Variants in TAF12 observed in about 807,000 individuals in gnomAD.
TAF12 encodes transcription initiation factor TFIID subunit 12.
In TAF12, 3 loss-of-function variants were observed where a neutral mutation model predicts 20.8. That is an observed-to-expected ratio of 0.14 (90% CI 0.07 to 0.37). TAF12 has a LOEUF of 0.37. TAF12 is among the 10% of genes least tolerant of loss of function. The pLI is 1.00. For missense variants in TAF12, 131 were observed against 197.9 expected (o/e 0.66, Z 2.03); for synonymous variants, 69 against 70.2 (o/e 0.98, Z 0.09).
intron 5 of TAF12, among the ~76,000 whole-genome samples, chr1:28,603,776 T>C (rs985896068): frequency 6.6e-6 from 1 of 152,184 alleles, no homozygotes; most frequent in Non-Finnish European, 1.5e-5. Flanking sequence ...GATGGGCTAG[T>C]GGACCCATTT....
chr1:28,631,169 A>G (rs1291956905), intron 1 of TAF12, among the ~76,000 whole-genome samples: 3 of 151,632 alleles, frequency 2.0e-5, no homozygotes, highest in African/African-American at 7.3e-5. Context: ...CTTGTGGGGG[A>G]GGAAAAAATT....
Position 28,622,090 on chromosome 1 carries a change from G to A in TAF12, c.-9C>T, listed in dbSNP as rs200582502. 374 of 1,609,626 alleles carry A rather than the reference G, an allele frequency of 2.3e-4. No homozygotes were observed. The highest frequency in any genetic ancestry group is 3.1e-4 in the Non-Finnish European group (361 of 1,178,868). On this transcript the variant is annotated 5_prime_UTR_variant, in exon 2 of 6. Transcript: ENST00000373824. ...GGGCCAAACTGGTTCATAATCTGCC[G>A]AGCTTTGGACTTCAGCTCATAGAGC... is the stretch of plus-strand genomic sequence containing the variant.
intron 4 of TAF12, among the ~76,000 whole-genome samples, chr1:28,612,559 AATATATACAT>A (rs1284667772): frequency 2.1e-5 from 3 of 143,140 alleles, no homozygotes; most frequent in South Asian, 4.4e-4. Flanking sequence ...TACACACATA[AATATATACAT>A]ATATATACAT....
chr1:28,626,547 C>T (rs1212702062), intron 1 of TAF12, among the ~76,000 whole-genome samples: 1 of 142,806 alleles, frequency 7.0e-6, no homozygotes, highest in Non-Finnish European at 1.5e-5. Context: ...TGCCACTGCG[C>T]TCCAGCCCGC....
chr1:28,613,360 A>G lies in TAF12; in HGVS notation c.248T>C (p.Met83Thr). 1 of 1,608,296 alleles carries G rather than the reference A, an allele frequency of 6.2e-7. No homozygotes were observed. Among genetic ancestry groups the G allele is most frequent in the East Asian group, 2.2e-5 (1 of 44,792 alleles). Residue 83 changes from methionine to threonine, a missense_variant and splice_region_variant, in exon 4 of 6, where the codon ATG (methionine) becomes ACG (threonine). Around this residue, in one of 3 missense-constraint regions of TAF12, gnomAD observed 8 missense variants for 35.6 expected, o/e 0.22. Coordinates refer to ENST00000373824, the MANE Select transcript of TAF12 (RefSeq NM_005644.4). ...NEQLDEDVEE[M>T]LLQIADDFIE... ...AAAATCATCAGCAATCTGCAGCAGC[A>G]TCTGGGGAAGGTAAAGTGGGAAGAG...
At chr1:28,628,666 T>G (rs1557469279) in intron 1 of TAF12, among the ~76,000 whole-genome samples, 2 of 150,058 alleles carry the variant, frequency 1.3e-5, no homozygotes, top group African/African-American at 4.9e-5. Flanking sequence ...ATGATTTAAA[T>G]AAAGACTTTA....
At chr1:28,641,939 C>T (rs139373197) in intron 1 of TAF12, among the ~76,000 whole-genome samples, 30 of 152,210 alleles carry the variant, frequency 2.0e-4, no homozygotes, top group African/African-American at 6.7e-4. Flanking sequence ...TAACCATTGC[C>T]TCACTGTAAT....
At chr1:28,606,205 G>T (rs1249159028) in intron 4 of TAF12, among the ~76,000 whole-genome samples, 1 of 152,052 alleles carries the variant, frequency 6.6e-6, no homozygotes, top group African/African-American at 2.4e-5. Flanking sequence ...CACCATCTCG[G>T]TCAGGCTGGT....
chr1:28,642,403 G>A (rs1228599595), intron 1 of TAF12, among the ~76,000 whole-genome samples: 7 of 152,012 alleles, frequency 4.6e-5, no homozygotes, highest in Non-Finnish European at 7.4e-5. Flanking sequence ...AGGCTTTTAG[G>A]AGCTTGGGTA....
chr1:28,636,059 A>C (rs987362301), intron 1 of TAF12, among the ~76,000 whole-genome samples: 6 of 152,286 alleles, frequency 3.9e-5, no homozygotes, highest in East Asian at 1.9e-4. Context: ...TATCTAAATG[A>C]GCTCATATTT....
At position 28,622,030 on chromosome 1, in the gene TAF12, T is replaced by C; in HGVS notation, c.52A>G (p.Ile18Val). The C allele has an allele frequency of 6.2e-7, 1 of 1,613,968 alleles. No individual in the cohort carries two copies. The highest frequency in any genetic ancestry group is 1.1e-5 in the South Asian group (1 of 91,060). The change falls in exon 2 of 6, where the codon ATA (isoleucine) becomes GTA (valine). Residue 18 changes from isoleucine to valine, a missense_variant. Physicochemically the swap from Ile to Val is conservative, Grantham distance 29. This residue lies in a region of TAF12 where 63 missense variants were observed against 72.1 expected (regional missense o/e 0.87). Transcript: ENST00000373824. ...GGGGTGCTGGCTGGTTCCGGTTTTATGGATGAGAAATTGGAGAGGTTGATT... is the reference window on the plus strand; with the variant it reads ...GGGGTGCTGGCTGGTTCCGGTTTTACGGATGAGAAATTGGAGAGGTTGATT... ...ALINLSNFSS[I>V]KPEPASTPPQ...
At chr1:28,643,811 G>T (rs1412685494), upstream of TAF12, among the ~76,000 whole-genome samples, 3 of 152,086 alleles carry the variant, frequency 2.0e-5, no homozygotes, top group African/African-American at 7.2e-5. Flanking sequence ...CAGCACTTTG[G>T]GAGGCCGAGG....
At chr1:28,638,491 A>ATT (rs140717375) in intron 1 of TAF12, among the ~76,000 whole-genome samples, 9 of 95,248 alleles carry the variant, frequency 9.4e-5, no homozygotes, top group Non-Finnish European at 1.1e-4. Context: ...GCCCGGCCTA[A>ATT]TTTTTTTTTT....
upstream of TAF12, among the ~76,000 whole-genome samples, chr1:28,643,841 A>G (rs187854658): frequency 2.6e-5 from 4 of 152,050 alleles, no homozygotes; most frequent in Admixed American, 2.0e-4. Flanking sequence ...CACGAGGTCA[A>G]GAGTTCAAGA....
chr1:28,635,060 T>C (rs1003437421), intron 1 of TAF12, among the ~76,000 whole-genome samples: 4 of 138,972 alleles, frequency 2.9e-5, no homozygotes, highest in African/African-American at 1.0e-4. Flanking sequence ...TCACCTCTAC[T>C]AAAAAAAAAA....
intron 4 of TAF12, among the ~76,000 whole-genome samples, chr1:28,606,051 T>C (rs1448969541): frequency 3.3e-5 from 5 of 152,000 alleles, no homozygotes; most frequent in Non-Finnish European, 7.4e-5. Context: ...CAAGTTGGAG[T>C]GCAGTGGTGC....
intron 4 of TAF12, among the ~76,000 whole-genome samples, chr1:28,606,189 G>T (rs1202871593): frequency 6.6e-6 from 1 of 151,984 alleles, no homozygotes; most frequent in Non-Finnish European, 1.5e-5. Flanking sequence ...AGTAGAGATG[G>T]GGTTTCACCA....
chr1:28,617,904 T>C (rs374484071), intron 3 of TAF12, 49 bp downstream of exon 3: 20 of 1,544,302 alleles, frequency 1.3e-5, no homozygotes, highest in Non-Finnish European at 1.7e-5. Context: ...ACCACTATGC[T>C]ATACCGGTTC....
intron 3 of TAF12, among the ~76,000 whole-genome samples, chr1:28,617,625 G>A (rs1667086044): frequency 6.6e-6 from 1 of 151,716 alleles, no homozygotes; most frequent in South Asian, 2.1e-4. Context: ...TTTGTTTTTT[G>A]TATTTTTAGT....
Sources: gnomAD v4.1 joint callset for allele counts (sites outside exome capture counted in the v4.1 genomes callset) on GRCh38, gnomAD v4.1.1 for gene constraint, gnomAD v4.1.1 regional missense constraint, MANE v1.5 for transcripts, NCBI Gene and HGNC (gene_info 2026-07-23, HGNC 2026-07-21) for gene names.